Variants in PDE1A observed in about 807,000 individuals in gnomAD.
The protein encoded by PDE1A is dual specificity calcium/calmodulin-dependent 3',5'-cyclic nucleotide phosphodiesterase 1A.
PDE1A carries 35 observed loss-of-function variants against 61.7 expected under a neutral mutation model. That is an observed-to-expected ratio of 0.57 (90% confidence interval 0.43 to 0.75). PDE1A has a LOEUF of 0.75. PDE1A is among the 30% of genes least tolerant of loss of function. The probability of loss-of-function intolerance (pLI) is 0.00; values close to 1 mark genes in which losing one functional copy is unlikely to be tolerated. For synonymous variants in PDE1A, 232 were observed against 213.2 expected (o/e 1.09, Z -0.77); for missense variants, 597 against 630.6 (o/e 0.95, Z 0.57).
chr2:182,496,881 T>C (rs990931129), intron 2 of PDE1A, among the ~76,000 whole-genome samples: 1 of 152,212 alleles, frequency 6.6e-6, no homozygotes, highest in Non-Finnish European at 1.5e-5. Context: ...TGTGATTTTG[T>C]AAGCAACTAA....
At chr2:182,215,864 T>C (rs980989509) in intron 7 of PDE1A, among the ~76,000 whole-genome samples, 3 of 102,250 alleles carry the variant, frequency 2.9e-5, no homozygotes, top group African/African-American at 1.2e-4. Context: ...CCATTCCTTC[T>C]GAAACTATTC....
chr2:182,304,428 C>T (rs185829439), intron 1 of PDE1A, among the ~76,000 whole-genome samples: 90 of 152,308 alleles, frequency 5.9e-4, no homozygotes, highest in African/African-American at 1.8e-3. Flanking sequence ...TAGAGTAGCA[C>T]TGTTAATTTC....
Position 182,221,775 on chromosome 2 carries a change from C to T in PDE1A, c.776+2089G>A, listed in dbSNP as rs542359606. ...CTGTGGGAGCAGACTTATATAAGAACTGGATTGACAGTGAGTGTCCCTTTT... is the reference window on the plus strand; with the variant it reads ...CTGTGGGAGCAGACTTATATAAGAATTGGATTGACAGTGAGTGTCCCTTTT... On this transcript the variant is annotated intron_variant, in intron 7 of 13. Transcript: ENST00000351439. Among the ~76,000 whole-genome samples the T allele has an allele frequency of 2.6e-3, 399 of 152,118 alleles. 1 individual carries two copies. The highest frequency in any genetic ancestry group is 9.3e-3 in the African/African-American group (387 of 41,530).
intron 1 of PDE1A, among the ~76,000 whole-genome samples, chr2:182,405,964 AC>A (rs535417337): frequency 2.6e-5 from 4 of 152,108 alleles, no homozygotes; most frequent in Middle Eastern, 3.4e-3. Flanking sequence ...ATATTGCTCT[AC>A]AAGTATTTTC....
At chr2:182,496,295 C>A (rs913835347) in intron 2 of PDE1A, among the ~76,000 whole-genome samples, 2 of 152,008 alleles carry the variant, frequency 1.3e-5, no homozygotes, top group African/African-American at 2.4e-5. Context: ...GGAAAAAAAG[C>A]CTTAAAAGGA....
chr2:182,387,425 A>G (rs537015221), intron 1 of PDE1A, among the ~76,000 whole-genome samples: 3 of 152,206 alleles, frequency 2.0e-5, no homozygotes, highest in South Asian at 2.1e-4. Flanking sequence ...AAAAAAAAAA[A>G]AAGAAGAAAG....
chr2:182,631,527 C>T, the PDE1A span, among the ~76,000 whole-genome samples: 1 of 152,132 alleles, frequency 6.6e-6, no homozygotes, highest in African/African-American at 2.4e-5. Context: ...TTCAGGAAAA[C>T]GCCTTCACAG....
At chr2:182,569,915 T>C in the PDE1A span, among the ~76,000 whole-genome samples, 1 of 152,234 alleles carries the variant, frequency 6.6e-6, no homozygotes, top group Non-Finnish European at 1.5e-5. Context: ...TCTTAAGTGT[T>C]TTCCAACTGT....
At chr2:182,238,919 A>T (rs1027023408) in intron 3 of PDE1A, among the ~76,000 whole-genome samples, 3 of 152,142 alleles carry the variant, frequency 2.0e-5, no homozygotes, top group Non-Finnish European at 4.4e-5. Context: ...GTTCTGTAAT[A>T]TTTTTTTAAA....
intron 7 of PDE1A, among the ~76,000 whole-genome samples, chr2:182,221,072 T>C (rs1215154470): frequency 6.6e-6 from 1 of 151,844 alleles, no homozygotes; most frequent in East Asian, 1.9e-4. Flanking sequence ...TCTGCCCCCA[T>C]CTACCCCTTC....
chr2:182,283,126 T>G (rs1276942450), intron 1 of PDE1A, among the ~76,000 whole-genome samples: 1 of 152,064 alleles, frequency 6.6e-6, no homozygotes, highest in Non-Finnish European at 1.5e-5. Flanking sequence ...AAGTATAAAC[T>G]GTCAACTCAA....
At chr2:182,271,227 G>A (rs1482088421) in intron 1 of PDE1A, among the ~76,000 whole-genome samples, 1 of 147,632 alleles carries the variant, frequency 6.8e-6, no homozygotes, top group Non-Finnish European at 1.5e-5. Context: ...TGATGGATAT[G>A]TTAATTTGCT....
At chr2:182,686,824 C>T in the PDE1A span, among the ~76,000 whole-genome samples, 1 of 152,208 alleles carries the variant, frequency 6.6e-6, no homozygotes, top group African/African-American at 2.4e-5. Context: ...TTGGGTCACT[C>T]CCACCCTAAT....
intron 1 of PDE1A, among the ~76,000 whole-genome samples, chr2:182,359,405 T>C (rs1270979516): frequency 6.6e-6 from 1 of 152,120 alleles, no homozygotes; most frequent in Non-Finnish European, 1.5e-5. Flanking sequence ...TGAGCGACTT[T>C]ATAACGTAAA....
chr2:182,415,707 A>C (rs1340495171), intron 1 of PDE1A, among the ~76,000 whole-genome samples: 1 of 152,192 alleles, frequency 6.6e-6, no homozygotes, highest in African/African-American at 2.4e-5. Flanking sequence ...TGATATGTTA[A>C]ATCTATATTT....
the PDE1A span, among the ~76,000 whole-genome samples, chr2:182,563,017 CATTA>C: frequency 6.6e-6 from 1 of 152,170 alleles, no homozygotes; most frequent in African/African-American, 2.4e-5. Context: ...CTCCTGGATT[CATTA>C]ATTTTTTGAA....
chr2:182,180,104 T>C (rs1448685416), intron 13 of PDE1A, among the ~76,000 whole-genome samples: 3 of 152,188 alleles, frequency 2.0e-5, no homozygotes, highest in Non-Finnish European at 2.9e-5. Flanking sequence ...AAGTGGTAGG[T>C]ACTGGAAAAT....
chr2:182,680,594 G>A, the PDE1A span, among the ~76,000 whole-genome samples: 1 of 152,178 alleles, frequency 6.6e-6, no homozygotes, highest in Non-Finnish European at 1.5e-5. Context: ...GCTTGTGAAA[G>A]TGTATGTAGG....
chr2:182,490,507 T>C (rs6747821), intron 2 of PDE1A, among the ~76,000 whole-genome samples: 62,211 of 151,722 alleles, frequency 0.41, 13,207 homozygotes, highest in African/African-American at 0.51. Context: ...ATAGCTGAGA[T>C]TGCAAGCGCC....
Sources: gnomAD v4.1 joint callset for allele counts (sites outside exome capture counted in the v4.1 genomes callset) on GRCh38, gnomAD v4.1.1 for gene constraint, MANE v1.5 for transcripts, NCBI Gene and HGNC (gene_info 2026-07-23, HGNC 2026-07-21) for gene names.